Variants in CYBA observed in about 807,000 individuals in gnomAD.
CYBA encodes the protein cytochrome b-245 alpha chain.
A neutral mutation model predicts 20.8 loss-of-function variants in CYBA; 21 were observed. The ratio of observed to expected loss-of-function variants is 1.01; its 90% CI spans 0.72 to 1.46. CYBA has a LOEUF of 1.46. Ranked by LOEUF, CYBA falls within the 40% of genes most tolerant of loss-of-function variation. The pLI is 0.00. For missense variants in CYBA, 344 were observed against 287.0 expected, an observed-to-expected ratio of 1.20 and a Z score of -1.43; for synonymous variants, 164 against 127.5, an observed-to-expected ratio of 1.29 and a Z score of -1.93.
intron 5 of CYBA, chr16:88,645,247 G>GC (rs756247001): frequency 1.4e-6 from 1 of 702,430 alleles, no homozygotes; most frequent in South Asian, 1.5e-5. Context: ...TGAGCACTTG[G>GC]CAACAGGAAG....
Position 88,646,119 on chromosome 16 carries a change from T to C in CYBA, c.366A>G (p.Leu122=), listed in dbSNP as rs1187214764. 3 of 1,552,098 alleles carry C rather than the reference T, an allele frequency of 1.9e-6. No homozygotes were observed. Among genetic ancestry groups the C allele is most frequent in the Non-Finnish European group, 2.6e-6 (3 of 1,149,598 alleles). ...GACCTCAGAGGGCGCCACTCACCAG[T>C]AGGTAGATGCCGCTCGCAATGGCCA... The part of the protein sequence containing the change: ...ACLAIASGIY[L]LAAVRGEQWT... The change falls in exon 5 of 6, where the codon CTA becomes CTG. Residue 122 remains leucine, a synonymous_variant. Coordinates refer to ENST00000261623, the MANE Select transcript of CYBA (RefSeq NM_000101.4).
chr16:88,646,972 G>C, intron 3 of CYBA, 129 bp downstream of exon 3: 1 of 1,187,744 alleles, frequency 8.4e-7, no homozygotes, highest in Non-Finnish European at 1.2e-6. Flanking sequence ...CACCGGCCTT[G>C]GTTTACCCAC....
At chr16:88,648,966 C>A in intron 1 of CYBA, among the ~76,000 whole-genome samples, 1 of 137,934 alleles carries the variant, frequency 7.2e-6, no homozygotes, top group South Asian at 2.3e-4. Flanking sequence ...GAGACAGAGT[C>A]TTGCCCTGTC....
At chr16:88,644,237 T>A (rs1907195557) in intron 5 of CYBA, among the ~76,000 whole-genome samples, 1 of 152,194 alleles carries the variant, frequency 6.6e-6, no homozygotes, top group African/African-American at 2.4e-5. Flanking sequence ...ACTGGACATG[T>A]GTGATCCTAC....
chr16:88,650,956 T>C lies in CYBA; in HGVS notation c.58A>G (p.Ile20Val), dbSNP rs1434922774. The change falls in exon 1 of 6, where the codon ATC (isoleucine) becomes GTC (valine). Residue 20 changes from isoleucine (I) to valine (V), a missense_variant and splice_region_variant. Coordinates refer to ENST00000261623, the MANE Select transcript of CYBA (RefSeq NM_000101.4). ...ANEQALASGL[I>V]LITGGIVATA... ...TCCACCGTCCCTGACGTGCACTCACTCAGGCCGGACGCCAGCGCCTGTTCG... is the reference window on the plus strand; with the variant it reads ...TCCACCGTCCCTGACGTGCACTCACCCAGGCCGGACGCCAGCGCCTGTTCG... The C allele has an allele frequency of 6.3e-7, 1 of 1,591,422 alleles. No individual in the cohort carries two copies.
rs994739048 is a variant in CYBA at position 88,647,112 on chromosome 16, G to A, written c.192C>T (p.Thr64=). The A allele has an allele frequency of 1.9e-6, 3 of 1,610,892 alleles. No individual in the cohort carries two copies. The highest frequency in any genetic ancestry group is 1.1e-5 in the South Asian group (1 of 91,016). Residue 64 remains threonine, a synonymous_variant, in exon 3 of 6, where the codon ACC becomes ACT. Transcript: ENST00000261623. ...YPRGKRKKGS[T]MERWGQKYMT... ...AGGAGGAGACTCACCAGCGCTCCAT[G>A]GTGGAGCCCTTCTTCCTCTTCCCCC...
At position 88,646,181 on chromosome 16, in the gene CYBA, C is replaced by A; in HGVS notation, c.304G>T (p.Gly102Cys). ...CCAAGGATGGTGGCCAGCAGGAAGC[C>A]GGCGGGCACCGAGAGCCTGGGGGAC... The part of the protein sequence containing the change: ...VLHLLLSVPA[G>C]FLLATILGTA... The change falls in exon 5 of 6, where the codon GGC (glycine) becomes TGC (cysteine). Residue 102 changes from glycine to cysteine, a missense_variant. Coordinates refer to ENST00000261623, the MANE Select transcript of CYBA (RefSeq NM_000101.4). 2 of 1,555,458 alleles carry A rather than the reference C, an allele frequency of 1.3e-6. No individual in the cohort carries two copies. Among genetic ancestry groups the A allele is most frequent in the East Asian group, 2.4e-5 (1 of 41,758 alleles).
chr16:88,648,000 G>C (rs1376613709), intron 2 of CYBA, 45 bp downstream of exon 2: 1 of 1,570,290 alleles, frequency 6.4e-7, no homozygotes, highest in Admixed American at 1.8e-5. Context: ...CCCCAGCTCT[G>C]CCCTGGGCGT....
In CYBA at chr16:88,649,307, A is replaced by G. The variant is rs559225731; in HGVS notation, c.59-1193T>C. On this transcript the variant is annotated intron_variant, in intron 1 of 5. Transcript: ENST00000261623. ...ATCCTTGGTTTGAGCCCAGCTACAC[A>G]TTAACTCTCTGGGTTTGTCTGTCTG... is the stretch of plus-strand genomic sequence containing the variant. 1.4e-4 allele frequency among the ~76,000 whole-genome samples: 22 copies of G among 152,294 alleles called. No homozygotes were observed. In the South Asian group the frequency reaches 3.3e-3, roughly 23 times the overall value.
At chr16:88,645,378 G>A (rs1032438471) in intron 5 of CYBA, 20 of 702,334 alleles carry the variant, frequency 2.8e-5, no homozygotes, top group Non-Finnish European at 4.7e-5. Flanking sequence ...CACACTAGAA[G>A]ACGCACAGCA....
intron 5 of CYBA, chr16:88,645,203 G>T: frequency 1.4e-6 from 1 of 702,370 alleles, no homozygotes; most frequent in East Asian, 2.7e-5. Flanking sequence ...GGGGGGATGC[G>T]GGTGGCCCCC....
chr16:88,643,453 G>T lies in CYBA; in HGVS notation c.488C>A (p.Ala163Asp), dbSNP rs756973782. The stretch of plus-strand genomic sequence containing the variant: ...CTCCTCCTCGCTGGGCTTCTTGCGG[G>T]CCTCGGCCGGGGGCCGCGGCGGGGG... The part of the protein sequence containing the change: ...SNPPPRPPAE[A>D]RKKPSEEEAA... Residue 163 changes from alanine to aspartate, a missense_variant, in exon 6 of 6, where the codon GCC becomes GAC. Physicochemically the swap from Ala to Asp is moderately radical, Grantham distance 126. Coordinates refer to ENST00000261623, the MANE Select transcript of CYBA (RefSeq NM_000101.4). The surrounding 1 kb of genome is among the most constrained non-coding windows in gnomAD (Gnocchi z 4.3). The T allele has an allele frequency of 2.2e-5, 33 of 1,533,352 alleles. 1 individual carries two copies. The South Asian group carries it at 3.6e-4, about 17-fold the overall frequency. 95.0% of individuals were successfully genotyped at this position (1,533,352 alleles called of 1,614,324 possible).
Position 88,647,877 on chromosome 16 carries a change from G to A in CYBA, c.128+168C>T, listed in dbSNP as rs564643539. ...CCGCTGATCGCCACATGGTCCTGGCGAGGGGCCTGGCTGCTGGGGCCTGGG... is the reference window on the plus strand; with the variant it reads ...CCGCTGATCGCCACATGGTCCTGGCAAGGGGCCTGGCTGCTGGGGCCTGGG... On this transcript the variant is annotated intron_variant, in intron 2 of 5. Transcript: ENST00000261623. The A allele has an allele frequency of 3.1e-4, 209 of 683,058 alleles. 1 individual carries two copies. Among genetic ancestry groups the A allele is most frequent in the Admixed American group, 1.9e-3 (88 of 47,494 alleles). 42.3% of individuals were successfully genotyped at this position (683,058 alleles called of 1,614,324 possible). A position where few individuals can be genotyped will look rare whatever the true frequency, so the allele number is the denominator to read the frequency against.
chr16:88,645,232 C>A, intron 5 of CYBA: 1 of 702,424 alleles, frequency 1.4e-6, no homozygotes, highest in Non-Finnish European at 2.6e-6. Flanking sequence ...AAGCAACAGC[C>A]CAGATGAGCA....
intron 1 of CYBA, 94 bp from the exon 2 acceptor site, chr16:88,648,208 CAG>C: frequency 8.3e-7 from 1 of 1,198,154 alleles, no homozygotes; most frequent in South Asian, 1.3e-5. Flanking sequence ...CCAGGCCACC[CAG>C]AGCTGCCCCC....
At chr16:88,647,629 C>A in intron 2 of CYBA, 1 of 372,184 alleles carries the variant, frequency 2.7e-6, no homozygotes, top group South Asian at 2.3e-5. Flanking sequence ...GCTGCCCACG[C>A]CCTCCCTCCC....
At chr16:88,649,875 G>A (rs551056824) in intron 1 of CYBA, among the ~76,000 whole-genome samples, 27 of 152,312 alleles carry the variant, frequency 1.8e-4, no homozygotes, top group South Asian at 6.2e-4. Flanking sequence ...CCCTCAGTCC[G>A]TCTACTTCCT....
Position 88,643,691 on chromosome 16 carries a change from G to A in CYBA, c.370-120C>T. ...AGGCTCAAGTCTGAATCCCACGCAG[G>A]ATGGTGTGACTGCCACTCAGAGAGG... is the stretch of plus-strand genomic sequence containing the variant. On this transcript the variant is annotated intron_variant, in intron 5 of 5. Transcript: ENST00000261623. The surrounding 1 kb of genome is among the most constrained non-coding windows in gnomAD (Gnocchi z 4.3). The A allele has an allele frequency of 2.1e-6, 2 of 971,940 alleles. No homozygotes were observed. Among genetic ancestry groups the A allele is most frequent in the South Asian group, 1.4e-5 (1 of 69,016 alleles). 60.2% of individuals were successfully genotyped at this position (971,940 alleles called of 1,614,324 possible).
chr16:88,651,031 T>C lies in CYBA; in HGVS notation c.-18A>G, dbSNP rs1323710139. The stretch of plus-strand genomic sequence containing the variant: ...TGCCCCATGGCGACACGAACCCGGC[T>C]GGGACACTGCTAGGCGCGCACTGCC... On this transcript the variant is annotated 5_prime_UTR_variant, in exon 1 of 6. Coordinates refer to ENST00000261623, the MANE Select transcript of CYBA (RefSeq NM_000101.4). 3 of 1,588,044 alleles carry C rather than the reference T, an allele frequency of 1.9e-6. No homozygotes were observed. Among genetic ancestry groups the C allele is most frequent in the Non-Finnish European group, 2.6e-6 (3 of 1,170,462 alleles).
Sources: gnomAD v4.1 joint callset for allele counts (sites outside exome capture counted in the v4.1 genomes callset) on GRCh38, gnomAD v4.1.1 for gene constraint, Gnocchi (gnomAD v3.1) non-coding constraint, MANE v1.5 for transcripts, NCBI Gene and HGNC (gene_info 2026-07-23, HGNC 2026-07-21) for gene names.